The following FBXW7 variants were observed in gnomAD, a reference collection of about 807,000 sequenced individuals.
FBXW7 encodes the protein F-box/WD repeat-containing protein 7.
Under a neutral mutation model 86.3 loss-of-function variants are expected in FBXW7, and 11 were observed. That is an observed-to-expected ratio of 0.13 (90% CI 0.08 to 0.21). The LOEUF (loss-of-function observed/expected upper bound fraction) is 0.21. FBXW7 is among the 10% of genes least tolerant of loss of function. FBXW7 has a pLI of 1.00. For synonymous variants in FBXW7, 313 were observed against 297.9 expected, an observed-to-expected ratio of 1.05 and a Z score of -0.52; for missense variants, 488 against 847.4, an observed-to-expected ratio of 0.58 and a Z score of 5.27.
chr4:152,480,482 G>A (rs1197862685), intron 2 of FBXW7, among the ~76,000 whole-genome samples: 1 of 152,026 alleles, frequency 6.6e-6, no homozygotes, highest in Non-Finnish European at 1.5e-5. Flanking sequence ...TCTAAGTGTT[G>A]GAGTGAAAAG....
intron 2 of FBXW7, among the ~76,000 whole-genome samples, chr4:152,413,679 C>T (rs1349712903): frequency 1.3e-5 from 2 of 152,082 alleles, no homozygotes; most frequent in Admixed American, 6.6e-5. Context: ...AAGATTATTA[C>T]TCTAAAACAA....
At chr4:152,451,586 G>C (rs1560913867) in intron 2 of FBXW7, 1 of 152,016 alleles carries the variant, frequency 6.6e-6, no homozygotes, top group Non-Finnish European at 1.5e-5. Flanking sequence ...AGGAGTATGA[G>C]AGCAGCCTGG....
intron 8 of FBXW7, among the ~76,000 whole-genome samples, 154 bp downstream of exon 8, chr4:152,332,442 T>A (rs781619883): frequency 1.3e-5 from 2 of 152,104 alleles, no homozygotes; most frequent in Non-Finnish European, 2.9e-5. Flanking sequence ...GTTAAAGGGG[T>A]TAGCTGTTAA....
intron 2 of FBXW7, among the ~76,000 whole-genome samples, chr4:152,506,197 T>C (rs1258997205): frequency 6.6e-6 from 1 of 152,062 alleles, no homozygotes; most frequent in African/African-American, 2.4e-5. Flanking sequence ...GGTGGCACGA[T>C]CTCAGCTCAC....
chr4:152,496,688 T>C (rs980483552), intron 2 of FBXW7, among the ~76,000 whole-genome samples: 8 of 150,688 alleles, frequency 5.3e-5, no homozygotes, highest in African/African-American at 2.0e-4. Context: ...AAGAAAAAAA[T>C]AGAACTGTAT....
intron 9 of FBXW7, among the ~76,000 whole-genome samples, chr4:152,330,451 A>G (rs183003972): frequency 1.3e-5 from 2 of 152,106 alleles, no homozygotes; most frequent in Non-Finnish European, 2.9e-5. Context: ...TAGAATGTGT[A>G]TGACACAGTA....
chr4:152,333,678 G>A (rs1230287718), intron 7 of FBXW7, among the ~76,000 whole-genome samples: 2 of 151,992 alleles, frequency 1.3e-5, no homozygotes, highest in South Asian at 2.1e-4. Context: ...GGGAGTAAAA[G>A]CACAATTTTA....
intron 2 of FBXW7, among the ~76,000 whole-genome samples, chr4:152,440,641 A>C (rs1740805884): frequency 6.6e-6 from 1 of 152,224 alleles, no homozygotes; most frequent in Non-Finnish European, 1.5e-5. Context: ...AAATCACTAA[A>C]GTTATAAATA....
At chr4:152,483,695 C>T (rs2149673896) in intron 2 of FBXW7, among the ~76,000 whole-genome samples, 1 of 151,854 alleles carries the variant, frequency 6.6e-6, no homozygotes, top group East Asian at 1.9e-4. Flanking sequence ...GAGACCCTGT[C>T]TCCAAAAAAC....
At chr4:152,474,537 C>T (rs1331698438) in intron 2 of FBXW7, among the ~76,000 whole-genome samples, 2 of 152,120 alleles carry the variant, frequency 1.3e-5, no homozygotes, top group African/African-American at 4.8e-5. Flanking sequence ...CTCAAATTAC[C>T]CATCACCTAT....
chr4:152,404,161 GC>G (rs1386236578), intron 4 of FBXW7, among the ~76,000 whole-genome samples: 1 of 152,108 alleles, frequency 6.6e-6, no homozygotes, highest in Non-Finnish European at 1.5e-5. Context: ...ATATTCAGCT[GC>G]ATTCTCATGC....
intron 2 of FBXW7, among the ~76,000 whole-genome samples, chr4:152,417,505 G>T (rs902467594): frequency 6.6e-6 from 1 of 152,126 alleles, no homozygotes; most frequent in Non-Finnish European, 1.5e-5. Context: ...TTTCTGTAGT[G>T]AGGGATGGCG....
At chr4:152,449,256 T>C (rs1031152661) in intron 2 of FBXW7, among the ~76,000 whole-genome samples, 1 of 152,230 alleles carries the variant, frequency 6.6e-6, no homozygotes, top group Non-Finnish European at 1.5e-5. Flanking sequence ...ATTTACAGAA[T>C]TGTTTTCAAT....
chr4:152,433,742 C>G (rs1047212438), intron 2 of FBXW7, among the ~76,000 whole-genome samples: 1 of 151,998 alleles, frequency 6.6e-6, no homozygotes, highest in African/African-American at 2.4e-5. Flanking sequence ...CTTCAGCAAA[C>G]AGAAATATCC....
Position 152,535,647 on chromosome 4 carries a change from G to A in FBXW7, c.-733C>T. The A allele has an allele frequency of 1.0e-5, 4 of 396,648 alleles. No homozygotes were observed. The highest frequency in any genetic ancestry group is 1.8e-5 in the Non-Finnish European group (4 of 224,718). The allele number at this position is 396,648 out of a possible 1,614,324, so 24.6% of individuals were successfully genotyped here. A position where few individuals can be genotyped will look rare whatever the true frequency, so the allele number is the denominator to read the frequency against. ...GCCCCCGCTCCCGGCTCCCGCATGT[G>A]TCGCTGCGGCTGGGACCCCCCTCCC... On this transcript the variant is annotated 5_prime_UTR_variant, in exon 1 of 14. Transcript: ENST00000281708.
intron 2 of FBXW7, among the ~76,000 whole-genome samples, chr4:152,516,005 A>G (rs2149721767): frequency 6.6e-6 from 1 of 152,316 alleles, no homozygotes; most frequent in East Asian, 1.9e-4. Flanking sequence ...GGGACATCAG[A>G]TCTACAAGAA....
At chr4:152,370,177 T>C (rs973129794) in intron 4 of FBXW7, among the ~76,000 whole-genome samples, 2 of 151,994 alleles carry the variant, frequency 1.3e-5, no homozygotes, top group Admixed American at 6.6e-5. Context: ...TAAGCTGAAA[T>C]TGTTCCCAAG....
chr4:152,341,485 G>A (rs572119778), intron 6 of FBXW7, among the ~76,000 whole-genome samples: 1 of 152,218 alleles, frequency 6.6e-6, no homozygotes, highest in South Asian at 2.1e-4. Flanking sequence ...TAGGTTTCAG[G>A]AAAAAGTGTT....
At chr4:152,490,222 G>A (rs1199237792) in intron 2 of FBXW7, among the ~76,000 whole-genome samples, 1 of 152,020 alleles carries the variant, frequency 6.6e-6, no homozygotes, top group Non-Finnish European at 1.5e-5. Context: ...TATTTGCGAT[G>A]ATGAAAAACT....
Sources: allele counts gnomAD v4.1 joint callset (sites outside exome capture counted in the v4.1 genomes callset), GRCh38; gene constraint gnomAD v4.1.1; transcripts MANE v1.5; gene names NCBI Gene and HGNC (gene_info 2026-07-23, HGNC 2026-07-21).